FOXP1: variants seen among roughly 807,000 people sequenced by gnomAD.
FOXP1 encodes the protein forkhead box P1.
Under a neutral mutation model 98.2 loss-of-function variants are expected in FOXP1, and 15 were observed. That is an observed-to-expected ratio of 0.15 (90% CI 0.10 to 0.24). The LOEUF (loss-of-function observed/expected upper bound fraction) is 0.24. Among genes scored for constraint, FOXP1 ranks in the 10% least tolerant of loss-of-function variants. The pLI is 1.00. For missense variants in FOXP1, 633 were observed against 848.5 expected (o/e 0.75, Z 3.15); for synonymous variants, 371 against 314.5 (o/e 1.18, Z -1.90).
intron 4 of FOXP1, among the ~76,000 whole-genome samples, chr3:71,337,121 G>C (rs2076733006): frequency 6.6e-6 from 1 of 152,232 alleles, no homozygotes; most frequent in African/African-American, 2.4e-5. Flanking sequence ...AAATGGAAAT[G>C]ATTATGATAA....
At chr3:70,967,622 G>GC (rs1456713838) in intron 19 of FOXP1, among the ~76,000 whole-genome samples, 4 of 146,734 alleles carry the variant, frequency 2.7e-5, no homozygotes, top group Admixed American at 6.7e-5. Context: ...TTGCGATAAA[G>GC]CTTTTTTTCT....
intron 4 of FOXP1, among the ~76,000 whole-genome samples, chr3:71,345,404 ACACACAC>A (rs1247269082): frequency 2.6e-3 from 45 of 17,442 alleles, no homozygotes; most frequent in Non-Finnish European, 8.4e-3. Flanking sequence ...ATATACACAC[ACACACAC>A]ACACACACAC....
chr3:71,249,231 G>A (rs753520375), intron 5 of FOXP1, among the ~76,000 whole-genome samples: 2 of 152,242 alleles, frequency 1.3e-5, no homozygotes, highest in Non-Finnish European at 2.9e-5. Flanking sequence ...ATTTAGCCCT[G>A]GCTCCAGCCC....
intron 7 of FOXP1, among the ~76,000 whole-genome samples, chr3:71,063,247 C>T (rs1461227226): frequency 6.6e-6 from 1 of 152,214 alleles, no homozygotes; most frequent in East Asian, 1.9e-4. Flanking sequence ...CAGATATAGA[C>T]CTTTTCTCAA....
intron 9 of FOXP1, among the ~76,000 whole-genome samples, chr3:71,047,975 G>A (rs1395876997): frequency 6.6e-6 from 1 of 152,192 alleles, no homozygotes; most frequent in Non-Finnish European, 1.5e-5. Flanking sequence ...GATTTCCTCA[G>A]TAATTATCTG....
At chr3:71,075,718 T>G (rs1468016445) in intron 7 of FOXP1, among the ~76,000 whole-genome samples, 2 of 6,268 alleles carry the variant, frequency 3.2e-4, no homozygotes, top group Non-Finnish European at 8.0e-4. Flanking sequence ...TTTTTTTTGT[T>G]TTTTTTTTTT....
rs2032096820 is a variant in FOXP1, at chr3:70,957,449, G to GGAT, written c.*1795_*1797dup. Reference sequence around the variant, plus strand: ...TTGCCTCCTTTGATCAACAATAAGAGGATATTTGGCTTCATCAGATAAAGC... The same window carrying GGAT: ...TTGCCTCCTTTGATCAACAATAAGAGGATGATATTTGGCTTCATCAGATAAAGC... On this transcript the variant is annotated 3_prime_UTR_variant, in exon 21 of 21. Coordinates refer to ENST00000649528, the MANE Select transcript of FOXP1 (RefSeq NM_001349338.3). The GGAT allele has an allele frequency of 4.3e-6, 1 of 230,214 alleles. No individual in the cohort carries two copies. The highest frequency in any genetic ancestry group is 6.3e-5 in the East Asian group (1 of 16,000). The allele number at this position is 230,214 out of a possible 1,614,324, so 14.3% of individuals were successfully genotyped here.
intron 5 of FOXP1, among the ~76,000 whole-genome samples, chr3:71,258,456 C>T (rs575941091): frequency 1.3e-5 from 2 of 152,302 alleles, no homozygotes; most frequent in South Asian, 4.1e-4. Context: ...ATTCCTGTGT[C>T]AATCCTGAAC....
intron 7 of FOXP1, chr3:71,064,700 T>C (rs931800402): frequency 7.1e-5 from 47 of 662,664 alleles, no homozygotes; most frequent in Middle Eastern, 7.6e-4. Context: ...GATGATTTTT[T>C]AAAAGACTCA....
chr3:71,321,964 C>G (rs1003588719), intron 4 of FOXP1, among the ~76,000 whole-genome samples: 2 of 152,196 alleles, frequency 1.3e-5, no homozygotes, highest in African/African-American at 4.8e-5. Context: ...CGTCACTTAA[C>G]TTTGCTGATC....
chr3:71,479,138 G>A (rs1560542045), intron 3 of FOXP1, among the ~76,000 whole-genome samples: 1 of 152,180 alleles, frequency 6.6e-6, no homozygotes, highest in Non-Finnish European at 1.5e-5. Context: ...TAAAACAAAG[G>A]ATAGGGCTGG....
chr3:70,972,355 T>C (rs1184207320), intron 18 of FOXP1, 200 bp downstream of exon 18: 19 of 892,146 alleles, frequency 2.1e-5, no homozygotes, highest in Non-Finnish European at 3.1e-5. Context: ...TAGCATGTGA[T>C]GCAACAAAGA....
intron 3 of FOXP1, among the ~76,000 whole-genome samples, chr3:71,361,482 T>A (rs537084315): frequency 3.0e-4 from 45 of 152,348 alleles, no homozygotes; most frequent in Non-Finnish European, 4.9e-4. Flanking sequence ...TAAAATGTTA[T>A]AAGCCTGTAA....
chr3:71,415,904 A>G (rs1192375978), intron 3 of FOXP1, among the ~76,000 whole-genome samples: 1 of 152,208 alleles, frequency 6.6e-6, no homozygotes, highest in Non-Finnish European at 1.5e-5. Flanking sequence ...GTTTGTAAGT[A>G]AACTATTTGG....
At chr3:71,154,777 A>G (rs1427769418) in intron 6 of FOXP1, among the ~76,000 whole-genome samples, 1 of 152,204 alleles carries the variant, frequency 6.6e-6, no homozygotes, top group Admixed American at 6.5e-5. Flanking sequence ...CCTGAAAAGC[A>G]CACTGCCTGG....
At chr3:71,432,244 C>G (rs137963901) in intron 3 of FOXP1, among the ~76,000 whole-genome samples, 46 of 152,174 alleles carry the variant, frequency 3.0e-4, no homozygotes, top group Non-Finnish European at 5.7e-4. Context: ...CTGACCTTGT[C>G]GTGGCCGGGA....
intron 4 of FOXP1, among the ~76,000 whole-genome samples, chr3:71,302,513 T>TTAA (rs35341480): frequency 7.6e-6 from 1 of 131,804 alleles, no homozygotes; most frequent in Non-Finnish European, 1.6e-5. Context: ...AGCTTTTATG[T>TTAA]AAAAAAAAAA....
intron 1 of FOXP1, chr3:71,582,236 G>A (rs2048235910): frequency 1.0e-6 from 1 of 985,276 alleles, no homozygotes; most frequent in African/African-American, 1.7e-5. Flanking sequence ...CTCGTCGAGG[G>A]CCAAAAAGAA....
At chr3:71,080,959 A>G (rs1286935023) in intron 7 of FOXP1, among the ~76,000 whole-genome samples, 1 of 152,174 alleles carries the variant, frequency 6.6e-6, no homozygotes, top group Non-Finnish European at 1.5e-5. Context: ...TTTGTCTCTC[A>G]CTGGGTGATC....
Sources: allele counts gnomAD v4.1 joint callset (sites outside exome capture counted in the v4.1 genomes callset), GRCh38; gene constraint gnomAD v4.1.1; transcripts MANE v1.5; gene names NCBI Gene and HGNC (gene_info 2026-07-23, HGNC 2026-07-21).